FBXL17: variants seen among roughly 807,000 people sequenced by gnomAD.
FBXL17 encodes the protein F-box and leucine rich repeat protein 17.
In FBXL17, 22 loss-of-function variants were observed where a neutral mutation model predicts 66.2. The observed-to-expected ratio is 0.33, with a 90% CI of 0.24 to 0.47. The LOEUF is 0.47. Among genes scored for constraint, FBXL17 ranks in the 20% least tolerant of loss-of-function variants. The pLI, the probability that FBXL17 is intolerant of heterozygous loss-of-function variation, is 1.00. For synonymous variants in FBXL17, 474 were observed against 400.5 expected (o/e 1.18, Z -2.19); for missense variants, 878 against 948.2 (o/e 0.93, Z 0.97).
Position 107,935,409 on chromosome 5 carries a change from A to G in FBXL17, c.1823-54230T>C, listed in dbSNP as rs62361083. 5.2e-3 allele frequency among the ~76,000 whole-genome samples: 769 copies of G among 149,172 alleles called. 5 individuals carry two copies. The highest frequency in any genetic ancestry group is 0.016 in the African/African-American group (631 of 40,422). On this transcript the variant is annotated intron_variant, in intron 7 of 8. Transcript: ENST00000542267. ...AAGAGGCATCTCTCTTTATATATATATATGTGTGTGTGTGTGTGTGTATGT... is the reference window on the plus strand; with the variant it reads ...AAGAGGCATCTCTCTTTATATATATGTATGTGTGTGTGTGTGTGTGTATGT...
At chr5:108,285,523 C>T (rs1399926215) in intron 4 of FBXL17, among the ~76,000 whole-genome samples, 1 of 151,854 alleles carries the variant, frequency 6.6e-6, no homozygotes, top group Admixed American at 6.6e-5. Flanking sequence ...ATAAAAATGG[C>T]ATTAATGTCC....
rs377263453 is a variant in FBXL17, at chr5:107,906,606, T to A, written c.1823-25427A>T. Among the ~76,000 whole-genome samples, 4 of 152,152 alleles carry A rather than the reference T, an allele frequency of 2.6e-5. No homozygotes were observed. In the East Asian group the frequency reaches 7.7e-4, roughly 29 times the overall value. On this transcript the variant is annotated intron_variant, in intron 7 of 8. Transcript: ENST00000542267. Reference sequence around the variant, plus strand: ...AGTAGGGACAGGACTGGAGTCCAGGTCTGTCTGACCATACAGGATCCCAAC... The same window carrying A: ...AGTAGGGACAGGACTGGAGTCCAGGACTGTCTGACCATACAGGATCCCAAC...
At chr5:108,055,608 CAAAAAA>C (rs55653715) in intron 6 of FBXL17, among the ~76,000 whole-genome samples, 2 of 51,144 alleles carry the variant, frequency 3.9e-5, no homozygotes, top group Non-Finnish European at 8.5e-5. Flanking sequence ...GACTCTGTCT[CAAAAAA>C]AAAAAAAAAA....
chr5:107,889,667 A>C (rs1749127649), intron 7 of FBXL17, among the ~76,000 whole-genome samples: 1 of 152,148 alleles, frequency 6.6e-6, no homozygotes, highest in African/African-American at 2.4e-5. Context: ...TGCAAGCCTT[A>C]TTTATAGGTT....
intron 4 of FBXL17, among the ~76,000 whole-genome samples, chr5:108,308,821 C>A (rs1185066209): frequency 1.3e-5 from 2 of 151,960 alleles, no homozygotes; most frequent in Non-Finnish European, 2.9e-5. Flanking sequence ...TTTTAAATGG[C>A]TAACATATGG....
intron 7 of FBXL17, among the ~76,000 whole-genome samples, chr5:107,970,597 A>C (rs1476265518): frequency 6.6e-6 from 1 of 152,164 alleles, no homozygotes; most frequent in East Asian, 1.9e-4. Context: ...AGAAGGCAAA[A>C]CTTTGCTCCT....
At chr5:108,298,370 T>C in intron 4 of FBXL17, 3 of 981,804 alleles carry the variant, frequency 3.1e-6, no homozygotes, top group Non-Finnish European at 3.6e-6. Flanking sequence ...GAGAAAGTTA[T>C]TTCTTTCTAC....
At chr5:108,027,077 C>A (rs1448591402) in intron 6 of FBXL17, among the ~76,000 whole-genome samples, 2 of 152,092 alleles carry the variant, frequency 1.3e-5, no homozygotes, top group African/African-American at 2.4e-5. Flanking sequence ...AATATACCAA[C>A]AAAATAATAT....
intron 6 of FBXL17, among the ~76,000 whole-genome samples, chr5:108,143,792 G>A (rs1751455875): frequency 1.4e-5 from 2 of 147,900 alleles, no homozygotes; most frequent in Admixed American, 6.8e-5. Context: ...CATCCTGTCT[G>A]TGGATGTGTC....
At chr5:108,276,305 T>A (rs1757480536) in intron 4 of FBXL17, among the ~76,000 whole-genome samples, 1 of 152,204 alleles carries the variant, frequency 6.6e-6, no homozygotes. Context: ...CTTGATGATC[T>A]ACACAACATT....
chr5:108,252,713 G>A (rs1026407145), intron 4 of FBXL17, among the ~76,000 whole-genome samples: 1 of 152,084 alleles, frequency 6.6e-6, no homozygotes, highest in Non-Finnish European at 1.5e-5. Flanking sequence ...GCTTCAGTTT[G>A]AGGGCAAAAT....
chr5:108,025,529 C>A (rs1440145607), intron 6 of FBXL17, among the ~76,000 whole-genome samples: 1 of 152,024 alleles, frequency 6.6e-6, no homozygotes, highest in Non-Finnish European at 1.5e-5. Context: ...GATCAAACCT[C>A]AAAACTCCTG....
intron 4 of FBXL17, among the ~76,000 whole-genome samples, chr5:108,234,913 T>C (rs1413746931): frequency 6.6e-6 from 1 of 152,220 alleles, no homozygotes; most frequent in Non-Finnish European, 1.5e-5. Flanking sequence ...AGCTCTTCTA[T>C]AAATTTCAAG....
intron 7 of FBXL17, among the ~76,000 whole-genome samples, chr5:107,960,641 A>G (rs544693419): frequency 6.6e-5 from 10 of 152,320 alleles, no homozygotes; most frequent in Non-Finnish European, 1.5e-4. Context: ...ATAATGTCCC[A>G]TAGGTTAATC....
chr5:107,957,906 C>A (rs1177415550), intron 7 of FBXL17, among the ~76,000 whole-genome samples: 11 of 152,130 alleles, frequency 7.2e-5, no homozygotes, highest in Admixed American at 6.6e-4. Flanking sequence ...CTGGTCAATT[C>A]TGTGGGGAGC....
chr5:108,057,337 A>G (rs1301039297), intron 6 of FBXL17, among the ~76,000 whole-genome samples: 2 of 152,214 alleles, frequency 1.3e-5, no homozygotes, highest in African/African-American at 4.8e-5. Flanking sequence ...AGATTTAATG[A>G]CATATCTTAA....
intron 6 of FBXL17, among the ~76,000 whole-genome samples, chr5:108,173,671 T>C (rs1256851434): frequency 2.0e-5 from 3 of 152,168 alleles, no homozygotes; most frequent in Non-Finnish European, 4.4e-5. Context: ...CGCGTAAGAA[T>C]TGCTTCTATG....
intron 6 of FBXL17, among the ~76,000 whole-genome samples, chr5:108,070,608 A>G (rs289230): frequency 0.2 from 29,723 of 152,198 alleles, 3,356 homozygotes; most frequent in South Asian, 0.47. Flanking sequence ...TAAACTGATT[A>G]GGGTAAACCA....
chr5:108,072,063 A>C (rs1309406045), intron 6 of FBXL17, among the ~76,000 whole-genome samples: 1 of 152,084 alleles, frequency 6.6e-6, no homozygotes, highest in African/African-American at 2.4e-5. Flanking sequence ...GAATTGGGTA[A>C]CCTCATTTAC....
Sources: gnomAD v4.1 joint callset for allele counts (sites outside exome capture counted in the v4.1 genomes callset) on GRCh38, gnomAD v4.1.1 for gene constraint, MANE v1.5 for transcripts, NCBI Gene and HGNC (gene_info 2026-07-23, HGNC 2026-07-21) for gene names.